WDR41: variants seen among roughly 807,000 people sequenced by gnomAD.
The protein encoded by WDR41 is WD repeat domain 41.
WDR41 carries 63 observed loss-of-function variants against 69.3 expected under a neutral mutation model. The ratio of observed to expected loss-of-function variants is 0.91; its 90% CI spans 0.74 to 1.12. The LOEUF (loss-of-function observed/expected upper bound fraction) is 1.12, where lower values mean the gene tolerates loss of function less well. Among genes scored for constraint, WDR41 ranks in the 50% most tolerant of loss-of-function variants. The pLI is 0.00. For missense variants in WDR41, 543 were observed against 534.5 expected (o/e 1.02, Z -0.16); for synonymous variants, 185 against 192.1 (o/e 0.96, Z 0.31).
intron 1 of WDR41, among the ~76,000 whole-genome samples, chr5:77,574,275 GC>G (rs1362553348): frequency 6.6e-6 from 1 of 152,046 alleles, no homozygotes; most frequent in South Asian, 2.1e-4. Flanking sequence ...TCCAGCCTGG[GC>G]AACAGAGCGA....
At chr5:77,542,448 T>C (rs527270431) in intron 1 of WDR41, among the ~76,000 whole-genome samples, 6 of 151,832 alleles carry the variant, frequency 4.0e-5, no homozygotes, top group African/African-American at 1.4e-4. Flanking sequence ...AAGTTGGAAA[T>C]TAAAAAAGGG....
At chr5:77,465,225 T>C (rs891249345) in intron 2 of WDR41, among the ~76,000 whole-genome samples, 2 of 152,194 alleles carry the variant, frequency 1.3e-5, no homozygotes, top group African/African-American at 2.4e-5. Context: ...ATAATTATTA[T>C]TTAAAGTCAA....
upstream of WDR41, among the ~76,000 whole-genome samples, chr5:77,493,763 G>A (rs1309499278): frequency 1.3e-5 from 2 of 152,184 alleles, no homozygotes; most frequent in African/African-American, 2.4e-5. Flanking sequence ...ATATCTTCAC[G>A]TGAGACAATG....
chr5:77,563,045 G>A (rs1743553998), intron 1 of WDR41, among the ~76,000 whole-genome samples: 1 of 152,010 alleles, frequency 6.6e-6, no homozygotes, highest in Non-Finnish European at 1.5e-5. Context: ...AGCAAGTACC[G>A]CATCTATTTT....
At chr5:77,495,393 GA>G (rs1292633950), upstream of WDR41, among the ~76,000 whole-genome samples, 2 of 151,548 alleles carry the variant, frequency 1.3e-5, no homozygotes, top group Non-Finnish European at 3.0e-5. Flanking sequence ...GACTGACAAA[GA>G]AAAAAAGAGA....
At chr5:77,495,581 A>G (rs181488076), upstream of WDR41, among the ~76,000 whole-genome samples, 424 of 152,148 alleles carry the variant, frequency 2.8e-3, 4 homozygotes, top group African/African-American at 1.0e-2. Flanking sequence ...AGAAATGGAA[A>G]ATATTAACAG....
intron 2 of WDR41, among the ~76,000 whole-genome samples, chr5:77,475,823 A>C (rs1174435517): frequency 6.6e-6 from 1 of 152,238 alleles, no homozygotes; most frequent in Non-Finnish European, 1.5e-5. Flanking sequence ...TGGATGGAGA[A>C]TGACTTTGAC....
chr5:77,502,499 C>T lies in WDR41; in HGVS notation c.43-12927G>A, dbSNP rs191828563. ...CAACCTAGCAAGGCAGGCTAACATT[C>T]AAATTCAGAAAAATAGATAACACCA... On this transcript the variant is annotated intron_variant, in intron 1 of 5. Transcript: ENST00000509971. 1.3e-3 allele frequency among the ~76,000 whole-genome samples: 195 copies of T among 152,246 alleles called. 1 individual carries two copies. Among genetic ancestry groups the T allele is most frequent in the Non-Finnish European group, 8.4e-4 (57 of 68,012 alleles).
chr5:77,552,446 T>C (rs115556475), intron 1 of WDR41, among the ~76,000 whole-genome samples: 2,174 of 152,336 alleles, frequency 0.014, 21 homozygotes, highest in Non-Finnish European at 0.021. Flanking sequence ...CTCAGTTTAG[T>C]AATGCTGTCA....
intron 2 of WDR41, among the ~76,000 whole-genome samples, chr5:77,475,574 A>ACGGCCGGGTACT (rs1322149970): frequency 4.1e-4 from 62 of 152,190 alleles, no homozygotes; most frequent in Non-Finnish European, 7.2e-4. Flanking sequence ...GACACCTCAC[A>ACGGCCGGGTACT]CGGCCGGGTA....
intron 1 of WDR41, among the ~76,000 whole-genome samples, chr5:77,503,544 CCT>C (rs1802053341): frequency 6.6e-6 from 1 of 152,120 alleles, no homozygotes; most frequent in Non-Finnish European, 1.5e-5. Context: ...CATCTACAGA[CCT>C]CTTCACCCAA....
intron 1 of WDR41, among the ~76,000 whole-genome samples, chr5:77,570,287 C>A (rs1262309800): frequency 1.3e-5 from 2 of 151,662 alleles, no homozygotes; most frequent in Non-Finnish European, 2.9e-5. Context: ...GTTTAATATT[C>A]TCATTAAAAT....
intron 1 of WDR41, among the ~76,000 whole-genome samples, chr5:77,550,397 G>A (rs1178863314): frequency 2.0e-5 from 3 of 152,006 alleles, no homozygotes; most frequent in African/African-American, 7.2e-5. Flanking sequence ...AATTCAACCA[G>A]CAAAAAACCA....
intron 1 of WDR41, among the ~76,000 whole-genome samples, chr5:77,603,425 T>C (rs1744360827): frequency 6.6e-6 from 1 of 152,244 alleles, no homozygotes; most frequent in South Asian, 2.1e-4. Flanking sequence ...ATATGGTTTT[T>C]GGTTTTTACT....
At chr5:77,538,781 A>ATG (rs1048499505) in intron 1 of WDR41, among the ~76,000 whole-genome samples, 1 of 152,228 alleles carries the variant, frequency 6.6e-6, no homozygotes, top group African/African-American at 2.4e-5. Flanking sequence ...AATATCCACT[A>ATG]TGTGCCCGTA....
At chr5:77,544,041 C>A (rs925258203) in intron 1 of WDR41, among the ~76,000 whole-genome samples, 1 of 152,060 alleles carries the variant, frequency 6.6e-6, no homozygotes, top group Non-Finnish European at 1.5e-5. Flanking sequence ...AATTTTGTAC[C>A]CGGTGAAATT....
rs187833564 is a variant in WDR41, at chr5:77,502,320, A to G, written c.43-12748T>C. ...ATAAAGTGAGAAGAAAAGGTTAGAG[A>G]AAAAAAAGTAAAAAGAAATGACCAA... On this transcript the variant is annotated intron_variant, in intron 1 of 5. Coordinates refer to the WDR41 transcript ENST00000509971. Among the ~76,000 whole-genome samples, 424 of 152,212 alleles carry G rather than the reference A, an allele frequency of 2.8e-3. 4 individuals are homozygous for G. Among genetic ancestry groups the G allele is most frequent in the African/African-American group, 1.0e-2 (414 of 41,532 alleles).
intron 2 of WDR41, among the ~76,000 whole-genome samples, chr5:77,475,319 C>A (rs1800856344): frequency 6.6e-6 from 1 of 152,244 alleles, no homozygotes; most frequent in South Asian, 2.1e-4. Context: ...CCCACCACAG[C>A]TCAAGGAGGC....
At chr5:77,599,928 A>G (rs1233891717) in intron 1 of WDR41, among the ~76,000 whole-genome samples, 1 of 152,238 alleles carries the variant, frequency 6.6e-6, no homozygotes, top group African/African-American at 2.4e-5. Context: ...GAAAGATAAC[A>G]TAGAAAAGAG....
Sources: gnomAD v4.1 joint callset for allele counts (sites outside exome capture counted in the v4.1 genomes callset) on GRCh38, gnomAD v4.1.1 for gene constraint, MANE v1.5 for transcripts, NCBI Gene and HGNC (gene_info 2026-07-23, HGNC 2026-07-21) for gene names.